Variants in DMD observed in about 807,000 individuals in gnomAD.
DMD encodes the protein mutant dystrophin.
DMD carries 63 observed loss-of-function variants against 330.1 expected under a neutral mutation model. The observed-to-expected ratio is 0.19, with a 90% CI of 0.16 to 0.24. The LOEUF (loss-of-function observed/expected upper bound fraction) is 0.24. DMD is among the 10% of genes least tolerant of loss of function. The probability of loss-of-function intolerance (pLI) is 1.00; values close to 1 mark genes in which losing one functional copy is unlikely to be tolerated. For synonymous variants in DMD, 1,223 were observed against 959.8 expected, an observed-to-expected ratio of 1.27 and a Z score of -5.07; for missense variants, 3,344 against 2,684.1, an observed-to-expected ratio of 1.25 and a Z score of -5.43.
chrX:33,092,178 TG>T (rs1264829830), intron 1 of DMD, among the ~76,000 whole-genome samples: 7 of 111,645 alleles, frequency 6.3e-5, no homozygotes, highest in South Asian at 3.7e-4. Context: ...GACTCCCAAA[TG>T]TAGTTGGACA....
chrX:32,106,144 C>G (rs2096563058), intron 44 of DMD, among the ~76,000 whole-genome samples: 1 of 111,529 alleles, frequency 9.0e-6, no homozygotes, highest in African/African-American at 3.2e-5. Context: ...TTTGATTGGT[C>G]TACCTGGAAA....
intron 52 of DMD, among the ~76,000 whole-genome samples, chrX:31,680,495 C>A (rs988980729): frequency 9.1e-6 from 1 of 109,867 alleles, no homozygotes; most frequent in African/African-American, 3.3e-5. Context: ...CTCAGCCTCC[C>A]GAGTAGCAGG....
intron 45 of DMD, among the ~76,000 whole-genome samples, chrX:31,943,705 T>C (rs929213441): frequency 7.2e-5 from 8 of 111,429 alleles, no homozygotes; most frequent in South Asian, 7.6e-4. Context: ...TCAATTTTTT[T>C]CCCCTCTGGG....
intron 44 of DMD, among the ~76,000 whole-genome samples, chrX:32,191,566 TAGAC>T (rs1796030468): frequency 9.0e-6 from 1 of 111,401 alleles, no homozygotes; most frequent in African/African-American, 3.3e-5. Context: ...TTGGGCAAAA[TAGAC>T]AGATTCCTTT....
chrX:33,086,373 AAAAAT>A (rs1287821682), intron 1 of DMD, among the ~76,000 whole-genome samples: 1 of 112,329 alleles, frequency 8.9e-6, no homozygotes, highest in African/African-American at 3.2e-5. Flanking sequence ...TGTAATTAAA[AAAAAT>A]AAAATACTTT....
intron 1 of DMD, chrX:33,041,736 G>A (rs943922618): frequency 1.9e-4 from 225 of 1,196,848 alleles, no homozygotes; most frequent in Non-Finnish European, 2.3e-4. Context: ...TTTCTCGTAT[G>A]GGGTGGTTTT....
rs965109791 is a variant in DMD at position 33,254,547 on chromosome X, A to T, written c.7+84712T>A. Among the ~76,000 whole-genome samples, 4 of 110,351 alleles carry T rather than the reference A, an allele frequency of 3.6e-5. No individual in the cohort carries two copies. In the South Asian group the frequency reaches 1.5e-3, roughly 42 times the overall value. ...TAGACTTCACAATATAGTTCTTATA[A>T]TAGTGGGGAGATACAAAACATTTGA... is the stretch of plus-strand genomic sequence containing the variant. On this transcript the variant is annotated intron_variant, in intron 1 of 17. Coordinates refer to the DMD transcript ENST00000288447.
intron 59 of DMD, among the ~76,000 whole-genome samples, chrX:31,472,268 T>G (rs2067355853): frequency 8.9e-6 from 1 of 112,405 alleles, no homozygotes; most frequent in Middle Eastern, 4.7e-3. Context: ...GCCCTGTTCA[T>G]GTTGGTTCTA....
intron 34 of DMD, among the ~76,000 whole-genome samples, chrX:32,371,292 A>T: frequency 9.0e-6 from 1 of 111,625 alleles, no homozygotes; most frequent in Non-Finnish European, 1.9e-5. Flanking sequence ...ATTATTCTGC[A>T]TTTAACACCT....
chrX:32,821,001 T>G (rs1326281517), intron 5 of DMD, among the ~76,000 whole-genome samples: 1 of 111,339 alleles, frequency 9.0e-6, no homozygotes, highest in Non-Finnish European at 1.9e-5. Flanking sequence ...GGTATGTTGC[T>G]TGCTGGTTCT....
At chrX:32,076,367 C>CTTTT (rs967146826) in intron 44 of DMD, among the ~76,000 whole-genome samples, 2 of 100,501 alleles carry the variant, frequency 2.0e-5, no homozygotes, top group Non-Finnish European at 3.9e-5. Context: ...CATAAGACTT[C>CTTTT]TTTTTTTCTT....
At chrX:32,174,959 G>T (rs1028869333) in intron 44 of DMD, among the ~76,000 whole-genome samples, 2 of 111,556 alleles carry the variant, frequency 1.8e-5, no homozygotes, top group Admixed American at 1.9e-4. Context: ...ACTTTGAAAA[G>T]ATTTATTTTC....
intron 7 of DMD, among the ~76,000 whole-genome samples, chrX:32,708,647 G>A (rs559357139): frequency 9.0e-6 from 1 of 111,453 alleles, no homozygotes; most frequent in African/African-American, 3.3e-5. Flanking sequence ...TGTCAGACAT[G>A]ATACCAATTC....
chrX:31,132,123 A>C (rs774126681), intron 77 of DMD, among the ~76,000 whole-genome samples: 10 of 112,122 alleles, frequency 8.9e-5, no homozygotes, highest in Non-Finnish European at 1.9e-4. Flanking sequence ...TGAGAACTTA[A>C]ATCAGCCCTT....
At chrX:32,516,135 G>A (rs1380082938) in intron 18 of DMD, among the ~76,000 whole-genome samples, 2 of 111,191 alleles carry the variant, frequency 1.8e-5, no homozygotes, top group African/African-American at 6.5e-5. Context: ...TTCATGACAC[G>A]AGCCTGCCAT....
intron 44 of DMD, among the ~76,000 whole-genome samples, chrX:32,103,514 A>G (rs897365609): frequency 3.6e-5 from 4 of 111,928 alleles, no homozygotes; most frequent in South Asian, 3.7e-4. Context: ...AAGCTCCACG[A>G]AACAATCGAT....
intron 44 of DMD, among the ~76,000 whole-genome samples, chrX:32,082,892 C>T (rs757814967): frequency 5.8e-4 from 65 of 111,916 alleles, no homozygotes; most frequent in African/African-American, 2.0e-3. Flanking sequence ...TTAATTTATA[C>T]CTGCTCTTGA....
chrX:31,584,736 C>T (rs1406510898), intron 55 of DMD, among the ~76,000 whole-genome samples: 1 of 111,199 alleles, frequency 9.0e-6, no homozygotes, highest in Non-Finnish European at 1.9e-5. Context: ...ACACTAGGTA[C>T]AGGTGGAGGG....
intron 44 of DMD, among the ~76,000 whole-genome samples, chrX:32,144,676 T>C (rs975173891): frequency 8.9e-6 from 1 of 112,064 alleles, no homozygotes; most frequent in African/African-American, 3.2e-5. Context: ...CTAAAAAGCA[T>C]ATTTAGTCTT....
Sources: gnomAD v4.1 joint callset for allele counts (sites outside exome capture counted in the v4.1 genomes callset) on GRCh38, gnomAD v4.1.1 for gene constraint, MANE v1.5 for transcripts, NCBI Gene and HGNC (gene_info 2026-07-23, HGNC 2026-07-21) for gene names.